KCNH7: variants seen among roughly 807,000 people sequenced by gnomAD.
KCNH7 encodes the protein potassium voltage-gated channel subfamily H member 7, also known as voltage-gated inwardly rectifying potassium channel KCNH7.
A neutral mutation model predicts 120.8 loss-of-function variants in KCNH7; 49 were observed. That is an observed-to-expected ratio of 0.41 (90% CI 0.32 to 0.51). The LOEUF is 0.51. Among genes scored for constraint, KCNH7 ranks in the 20% least tolerant of loss-of-function variants. The pLI is 0.38. For missense variants in KCNH7, 1,097 were observed against 1,446.6 expected (o/e 0.76, Z 3.92); for synonymous variants, 547 against 516.1 (o/e 1.06, Z -0.81).
intron 6 of KCNH7, among the ~76,000 whole-genome samples, chr2:162,471,258 A>C (rs1689516699): frequency 6.6e-6 from 1 of 152,114 alleles, no homozygotes. Flanking sequence ...AAAAAAAAAA[A>C]AAAAAAGGTA....
chr2:162,444,247 T>G (rs1688513310), intron 7 of KCNH7, among the ~76,000 whole-genome samples: 1 of 152,188 alleles, frequency 6.6e-6, no homozygotes, highest in African/African-American at 2.4e-5. Flanking sequence ...CAACACAAAC[T>G]TTGTCTGATT....
chr2:162,571,701 T>C (rs1405702422), intron 2 of KCNH7, among the ~76,000 whole-genome samples: 1 of 138,674 alleles, frequency 7.2e-6, no homozygotes, highest in Non-Finnish European at 1.5e-5. Flanking sequence ...AACAGAGATA[T>C]AGATCAATGG....
chr2:162,683,014 T>A (rs1483292905), intron 2 of KCNH7, among the ~76,000 whole-genome samples: 1 of 151,758 alleles, frequency 6.6e-6, no homozygotes, highest in Non-Finnish European at 1.5e-5. Flanking sequence ...AGGGTATGGA[T>A]CAAAAATAGG....
chr2:162,524,075 G>T (rs1176869342), intron 3 of KCNH7, among the ~76,000 whole-genome samples: 2 of 151,884 alleles, frequency 1.3e-5, no homozygotes, highest in African/African-American at 4.8e-5. Context: ...TGGTGGGAGG[G>T]TATCTTAGAT....
intron 2 of KCNH7, among the ~76,000 whole-genome samples, chr2:162,803,920 TAA>T (rs11348750): frequency 2.7e-5 from 4 of 149,560 alleles, no homozygotes; most frequent in Middle Eastern, 3.5e-3. Flanking sequence ...TCCAATTGTC[TAA>T]AAAAAAAATC....
rs1258489076 is a variant in KCNH7, at chr2:162,400,321, T to C, written c.2275A>G (p.Met759Val). 1 of 1,612,566 alleles carries C rather than the reference T, an allele frequency of 6.2e-7. No individual in the cohort carries two copies. The highest frequency in any genetic ancestry group is 2.2e-5 in the East Asian group (1 of 44,770). The change falls in exon 10 of 16, where the codon ATG becomes GTG. Residue 759 changes from methionine (M) to valine (V), a missense_variant. Around this residue, in one of 8 missense-constraint regions of KCNH7, gnomAD observed 101 missense variants for 176.3 expected, o/e 0.57. Transcript: ENST00000332142. ...ASKGCLRALA[M>V]KFKTTHAPPG... ...GGTGCATGGGTGGTTTTGAACTTCA[T>C]TGCCAAAGCTCTAAGGCAACCTTTA...
intron 2 of KCNH7, among the ~76,000 whole-genome samples, chr2:162,746,138 C>T (rs1688308839): frequency 6.6e-6 from 1 of 151,912 alleles, no homozygotes; most frequent in Admixed American, 6.6e-5. Flanking sequence ...TTTAACCTCC[C>T]TTTCTTTTGA....
intron 7 of KCNH7, among the ~76,000 whole-genome samples, chr2:162,443,348 C>G (rs1229349271): frequency 6.6e-6 from 1 of 152,172 alleles, no homozygotes; most frequent in African/African-American, 2.4e-5. Flanking sequence ...CTTAAGTTGG[C>G]TAAAACAGGA....
chr2:162,671,330 A>G (rs1685345160), intron 2 of KCNH7, among the ~76,000 whole-genome samples: 1 of 152,106 alleles, frequency 6.6e-6, no homozygotes. Flanking sequence ...GGATAATTGG[A>G]TGAAAAATGT....
chr2:162,754,806 TG>T (rs1688728117), intron 2 of KCNH7, among the ~76,000 whole-genome samples: 1 of 152,214 alleles, frequency 6.6e-6, no homozygotes, highest in Non-Finnish European at 1.5e-5. Flanking sequence ...AAGAAGCCAC[TG>T]TATTTAGGAC....
chr2:162,399,953 C>A (rs1241970955), intron 10 of KCNH7, among the ~76,000 whole-genome samples: 1 of 151,848 alleles, frequency 6.6e-6, no homozygotes, highest in Non-Finnish European at 1.5e-5. Context: ...CTGCCAAGAA[C>A]TGAAGAGAAT....
At chr2:162,740,378 G>T (rs369859656) in intron 2 of KCNH7, among the ~76,000 whole-genome samples, 1 of 152,194 alleles carries the variant, frequency 6.6e-6, no homozygotes, top group African/African-American at 2.4e-5. Context: ...AAAGGCCAAA[G>T]TGAGCCCACG....
intron 2 of KCNH7, among the ~76,000 whole-genome samples, chr2:162,647,564 GT>G (rs1413806345): frequency 6.6e-6 from 1 of 152,132 alleles, no homozygotes; most frequent in Non-Finnish European, 1.5e-5. Flanking sequence ...CGCGAAGGTG[GT>G]TTCCCCCATA....
At chr2:162,745,805 ATG>A (rs1374024157) in intron 2 of KCNH7, among the ~76,000 whole-genome samples, 1 of 152,032 alleles carries the variant, frequency 6.6e-6, no homozygotes, top group Non-Finnish European at 1.5e-5. Flanking sequence ...ACAATTCTAT[ATG>A]TCTTAGATTT....
intron 13 of KCNH7, among the ~76,000 whole-genome samples, chr2:162,381,222 T>C (rs572786346): frequency 1.2e-3 from 175 of 151,984 alleles, no homozygotes; most frequent in South Asian, 2.5e-3. Flanking sequence ...TAGAAAGACT[T>C]AAAAAAAACT....
intron 2 of KCNH7, among the ~76,000 whole-genome samples, chr2:162,632,934 A>G (rs909818957): frequency 1.3e-5 from 2 of 151,968 alleles, no homozygotes; most frequent in East Asian, 1.9e-4. Flanking sequence ...TCTAAATAAA[A>G]TGCAAGACCC....
At chr2:162,625,908 A>C (rs1683538624) in intron 2 of KCNH7, among the ~76,000 whole-genome samples, 1 of 152,072 alleles carries the variant, frequency 6.6e-6, no homozygotes, top group Non-Finnish European at 1.5e-5. Flanking sequence ...TGCTTTGGGA[A>C]TCCTAGTACG....
chr2:162,383,958 C>T (rs1345437959), intron 13 of KCNH7, among the ~76,000 whole-genome samples: 2 of 151,652 alleles, frequency 1.3e-5, no homozygotes, highest in African/African-American at 4.8e-5. Flanking sequence ...GCACTTGGAA[C>T]CCAAGCAGTC....
At chr2:162,763,893 A>T (rs1201755910) in intron 2 of KCNH7, among the ~76,000 whole-genome samples, 2 of 152,000 alleles carry the variant, frequency 1.3e-5, no homozygotes, top group Non-Finnish European at 2.9e-5. Context: ...CCTTTGTGTA[A>T]ACAATGTGAC....
Sources: gnomAD v4.1 joint callset for allele counts (sites outside exome capture counted in the v4.1 genomes callset) on GRCh38, gnomAD v4.1.1 for gene constraint, gnomAD v4.1.1 regional missense constraint, MANE v1.5 for transcripts, NCBI Gene and HGNC (gene_info 2026-07-23, HGNC 2026-07-21) for gene names.